RIMBP2: variants seen among roughly 807,000 people sequenced by gnomAD.
RIMBP2 encodes RIMS-binding protein 2.
In RIMBP2, 48 loss-of-function variants were observed where a neutral mutation model predicts 118.6. The ratio of observed to expected loss-of-function variants is 0.40; its 90% CI spans 0.32 to 0.51. RIMBP2 has a LOEUF of 0.51. Ranked by LOEUF, RIMBP2 falls within the 20% of genes least tolerant of loss-of-function variation. RIMBP2 has a pLI of 0.41. For synonymous variants in RIMBP2, 762 were observed against 742.9 expected (o/e 1.03, Z -0.42); for missense variants, 1,551 against 1,768.3 (o/e 0.88, Z 2.20).
At chr12:130,593,832 A>G (rs991802701) in intron 2 of RIMBP2, among the ~76,000 whole-genome samples, 4 of 152,322 alleles carry the variant, frequency 2.6e-5, no homozygotes, top group South Asian at 4.1e-4. Flanking sequence ...CTTGTCAAGA[A>G]TTGCTCTTCT....
At chr12:130,610,387 G>T (rs1265685362) in intron 2 of RIMBP2, among the ~76,000 whole-genome samples, 3 of 152,114 alleles carry the variant, frequency 2.0e-5, no homozygotes, top group Non-Finnish European at 4.4e-5. Flanking sequence ...CAAAAGTCAG[G>T]TAATTTTTTA....
Position 130,451,181 on chromosome 12 carries a change from G to C in RIMBP2, c.504+14C>G. 6.2e-7 allele frequency: 1 copy of C among 1,611,252 alleles called. No individual in the cohort carries two copies. Among genetic ancestry groups the C allele is most frequent in the Non-Finnish European group, 8.5e-7 (1 of 1,178,226 alleles). Reference sequence around the variant, plus strand: ...CACAGGCAGCCCCGGCAGCCCCTGCGGGACGGGACTCACGTCTGACTCAGA... The same window carrying C: ...CACAGGCAGCCCCGGCAGCCCCTGCCGGACGGGACTCACGTCTGACTCAGA... On this transcript the variant is annotated intron_variant, in intron 8 of 22. Coordinates refer to ENST00000690449, the MANE Select transcript of RIMBP2 (RefSeq NM_001393629.1).
intron 2 of RIMBP2, among the ~76,000 whole-genome samples, chr12:130,604,599 T>TTTTTTTTTTTTTTTTG (rs2060068775): frequency 1.4e-5 from 1 of 72,136 alleles, no homozygotes; most frequent in Admixed American, 1.7e-4. Context: ...TTTTTTTTTT[T>TTTTTTTTTTTTTTTTG]TTGAGACAGA....
At chr12:130,498,142 CCCCGTCA>C (rs2049371564) in intron 4 of RIMBP2, among the ~76,000 whole-genome samples, 1 of 109,518 alleles carries the variant, frequency 9.1e-6, no homozygotes, top group East Asian at 4.5e-4. Context: ...CCTCCGGCTG[CCCCGTCA>C]TTCTCCATGA....
At chr12:130,571,983 C>T (rs1258219031) in intron 2 of RIMBP2, among the ~76,000 whole-genome samples, 2 of 152,234 alleles carry the variant, frequency 1.3e-5, no homozygotes, top group Admixed American at 1.3e-4. Context: ...CCGGCGCCCT[C>T]GGTCACCTCT....
chr12:130,467,717 C>G (rs1334356784), intron 6 of RIMBP2, among the ~76,000 whole-genome samples: 1 of 152,190 alleles, frequency 6.6e-6, no homozygotes, highest in African/African-American at 2.4e-5. Flanking sequence ...GCCCCCGCTT[C>G]AAGTTGTCTC....
At chr12:130,505,934 A>AT (rs1213290533) in intron 4 of RIMBP2, among the ~76,000 whole-genome samples, 3 of 144,630 alleles carry the variant, frequency 2.1e-5, no homozygotes, top group African/African-American at 7.8e-5. Context: ...TCACTTCTTG[A>AT]TTTAAAGAGT....
intron 2 of RIMBP2, among the ~76,000 whole-genome samples, chr12:130,601,682 A>G (rs1428502230): frequency 6.6e-6 from 1 of 152,198 alleles, no homozygotes; most frequent in South Asian, 2.1e-4. Flanking sequence ...CTTTGTGCAT[A>G]TGTAACTAGG....
intron 21 of RIMBP2, among the ~76,000 whole-genome samples, chr12:130,405,847 C>T (rs1278454185): frequency 2.0e-5 from 3 of 152,074 alleles, no homozygotes; most frequent in African/African-American, 7.2e-5. Context: ...GTTAAGTAAT[C>T]TAGAAACTTA....
chr12:130,459,801 G>A (rs1465275563), intron 6 of RIMBP2, among the ~76,000 whole-genome samples: 1 of 152,070 alleles, frequency 6.6e-6, no homozygotes, highest in Non-Finnish European at 1.5e-5. Context: ...AAGGACGAGG[G>A]TGAGCCGAGC....
intron 21 of RIMBP2, among the ~76,000 whole-genome samples, chr12:130,400,856 A>G (rs1229027109): frequency 6.6e-6 from 1 of 152,234 alleles, no homozygotes; most frequent in Non-Finnish European, 1.5e-5. Flanking sequence ...ACGAATCTCC[A>G]GGGAAATGCA....
At chr12:130,482,438 G>A (rs1219707356) in intron 4 of RIMBP2, among the ~76,000 whole-genome samples, 1 of 152,218 alleles carries the variant, frequency 6.6e-6, no homozygotes, top group Non-Finnish European at 1.5e-5. Flanking sequence ...AAGGGCCCGA[G>A]TGTGGCACGG....
Position 130,580,579 on chromosome 12 carries a change from C to T in RIMBP2, c.-217+47743G>A, listed in dbSNP as rs527670373. ...TTAGCAGCGTGAGAACAGACTAATACATCGGCTTTATTTGAAAATTTGATA... is the reference window on the plus strand; with the variant it reads ...TTAGCAGCGTGAGAACAGACTAATATATCGGCTTTATTTGAAAATTTGATA... On this transcript the variant is annotated intron_variant, in intron 2 of 22. Coordinates refer to ENST00000690449, the MANE Select transcript of RIMBP2 (RefSeq NM_001393629.1). 7.2e-5 allele frequency among the ~76,000 whole-genome samples: 11 copies of T among 152,368 alleles called. No homozygotes were observed. In the South Asian group the frequency reaches 1.4e-3, roughly 20 times the overall value.
chr12:130,701,644 C>A (rs1244362739), intron 1 of RIMBP2, among the ~76,000 whole-genome samples: 1 of 152,092 alleles, frequency 6.6e-6, no homozygotes, highest in African/African-American at 2.4e-5. Flanking sequence ...GACTGTAGCA[C>A]CTGATGCTGA....
intron 22 of RIMBP2, chr12:130,399,131 C>CTGAT (rs776948271): frequency 7.2e-7 from 1 of 1,397,018 alleles, no homozygotes; most frequent in African/African-American, 1.5e-5. Flanking sequence ...GCTACATTGC[C>CTGAT]TGATTAAGGT....
chr12:130,551,555 T>C (rs1199308183), intron 2 of RIMBP2, among the ~76,000 whole-genome samples: 1 of 152,000 alleles, frequency 6.6e-6, no homozygotes, highest in Non-Finnish European at 1.5e-5. Context: ...TAGATTTCTT[T>C]TTTTTCTTAT....
At chr12:130,407,885 G>A (rs770824998) in intron 19 of RIMBP2, 56 bp from the exon 20 acceptor site, 83 of 1,495,440 alleles carry the variant, frequency 5.6e-5, no homozygotes, top group East Asian at 2.7e-4. Context: ...CAAACTTAGC[G>A]GTGTTCCCCT....
intron 3 of RIMBP2, among the ~76,000 whole-genome samples, chr12:130,516,741 A>C (rs2051506431): frequency 6.6e-6 from 1 of 152,246 alleles, no homozygotes; most frequent in African/African-American, 2.4e-5. Context: ...GACGAGAGGT[A>C]GCAAGATGGA....
intron 2 of RIMBP2, among the ~76,000 whole-genome samples, chr12:130,547,176 A>G (rs906988738): frequency 6.6e-6 from 1 of 152,252 alleles, no homozygotes; most frequent in Admixed American, 6.5e-5. Context: ...CACCTAATAC[A>G]GCAAAGCTCA....
Sources: allele counts gnomAD v4.1 joint callset (sites outside exome capture counted in the v4.1 genomes callset), GRCh38; gene constraint gnomAD v4.1.1; transcripts MANE v1.5; gene names NCBI Gene and HGNC (gene_info 2026-07-23, HGNC 2026-07-21).